Variants in TENM3 observed in about 807,000 individuals in gnomAD.
TENM3 encodes teneurin-3.
In TENM3, 63 loss-of-function variants were observed where a neutral mutation model predicts 255.1. The observed-to-expected ratio is 0.25, with a 90% CI of 0.20 to 0.30. TENM3 has a LOEUF of 0.30. Ranked by LOEUF, TENM3 falls within the 10% of genes least tolerant of loss-of-function variation. TENM3 has a pLI of 1.00. For synonymous variants in TENM3, 1,306 were observed against 1,322.3 expected (o/e 0.99, Z 0.27); for missense variants, 2,929 against 3,461.1 (o/e 0.85, Z 3.86).
At chr4:181,505,036 C>T in the TENM3 span, among the ~76,000 whole-genome samples, 12 of 152,082 alleles carry the variant, frequency 7.9e-5, no homozygotes, top group East Asian at 1.9e-4. Flanking sequence ...AGGTGTGGGC[C>T]GGGCAGATGG....
the TENM3 span, among the ~76,000 whole-genome samples, chr4:181,750,697 A>T: frequency 1.3e-5 from 2 of 152,128 alleles, no homozygotes; most frequent in Non-Finnish European, 2.9e-5. Flanking sequence ...CAAATAAAGC[A>T]AAGAGGCCGC....
chr4:181,756,933 G>A, the TENM3 span, among the ~76,000 whole-genome samples: 1 of 152,130 alleles, frequency 6.6e-6, no homozygotes, highest in Non-Finnish European at 1.5e-5. Context: ...ATATACATGT[G>A]TGATTCATAC....
At chr4:182,095,190 A>G in the TENM3 span, among the ~76,000 whole-genome samples, 12 of 152,216 alleles carry the variant, frequency 7.9e-5, no homozygotes, top group Admixed American at 7.9e-4. Context: ...TATCCAAAAG[A>G]AAGGAAATCA....
chr4:181,752,675 C>T, the TENM3 span, among the ~76,000 whole-genome samples: 7 of 152,072 alleles, frequency 4.6e-5, no homozygotes, highest in Non-Finnish European at 7.4e-5. Context: ...ACAACATCCT[C>T]CGTTTTATTT....
the TENM3 span, among the ~76,000 whole-genome samples, chr4:181,974,719 C>T: frequency 1.3e-5 from 2 of 152,204 alleles, no homozygotes; most frequent in Non-Finnish European, 2.9e-5. Context: ...AAGTGGAATA[C>T]ATTTACTACC....
At chr4:182,158,647 A>G (rs1750884180) in intron 1 of TENM3, among the ~76,000 whole-genome samples, 1 of 152,132 alleles carries the variant, frequency 6.6e-6, no homozygotes. Context: ...ACGGGTTAAG[A>G]GGCAGTAGCA....
chr4:181,987,435 A>G, the TENM3 span, among the ~76,000 whole-genome samples: 1 of 152,132 alleles, frequency 6.6e-6, no homozygotes, highest in Non-Finnish European at 1.5e-5. Context: ...TCTCAGTTTG[A>G]TACAGATTCA....
At chr4:181,814,569 C>T in the TENM3 span, among the ~76,000 whole-genome samples, 2 of 146,722 alleles carry the variant, frequency 1.4e-5, no homozygotes, top group Non-Finnish European at 3.0e-5. Flanking sequence ...AATTTTACAA[C>T]ACATATATTT....
chr4:182,042,543 C>T, the TENM3 span, among the ~76,000 whole-genome samples: 1 of 151,996 alleles, frequency 6.6e-6, no homozygotes, highest in Non-Finnish European at 1.5e-5. Context: ...TTCTCCTAGT[C>T]GATGCTGTGT....
At position 182,680,650 on chromosome 4, in the gene TENM3, A is replaced by G. The variant is rs1443006256; in HGVS notation, c.1747A>G (p.Ile583Val). ...TECDVPTTQC[I>V]DPQCGGRGIC... is the part of the protein sequence containing the mutation. ...GTGTGATGTGCCGACTACCCAGTGTATTGACCCACAGTGTGGGGGTCGTGG... is the reference window on the plus strand; with the variant it reads ...GTGTGATGTGCCGACTACCCAGTGTGTTGACCCACAGTGTGGGGGTCGTGG... The change falls in exon 10 of 28, where the codon ATT (isoleucine) becomes GTT (valine). Residue 583 changes from isoleucine (I) to valine (V), a missense_variant. Physicochemically the swap from Ile to Val is conservative, Grantham distance 29. Transcript: ENST00000511685. The G allele has an allele frequency of 1.2e-6, 2 of 1,612,598 alleles. No homozygotes were observed. The highest frequency in any genetic ancestry group is 1.1e-5 in the South Asian group (1 of 90,926).
At chr4:182,596,205 A>G (rs1348486962) in intron 3 of TENM3, among the ~76,000 whole-genome samples, 1 of 152,216 alleles carries the variant, frequency 6.6e-6, no homozygotes, top group East Asian at 1.9e-4. Flanking sequence ...CATATTTGCA[A>G]ATTACCTTAT....
chr4:182,503,836 C>T (rs1351148223), intron 3 of TENM3, among the ~76,000 whole-genome samples: 1 of 152,114 alleles, frequency 6.6e-6, no homozygotes, highest in Non-Finnish European at 1.5e-5. Context: ...CAGATATCCA[C>T]GAGACTTACT....
chr4:181,743,372 C>G, the TENM3 span, among the ~76,000 whole-genome samples: 3 of 152,174 alleles, frequency 2.0e-5, no homozygotes, highest in Non-Finnish European at 2.9e-5. Context: ...GCCATTCTAA[C>G]TGGTGTGAGA....
intron 1 of TENM3, among the ~76,000 whole-genome samples, chr4:182,243,987 T>C (rs1458801452): frequency 7.6e-6 from 1 of 132,262 alleles, no homozygotes; most frequent in Non-Finnish European, 1.5e-5. Flanking sequence ...GGAATCTCGC[T>C]CTGTCGCCCA....
the TENM3 span, among the ~76,000 whole-genome samples, chr4:181,746,280 G>T: frequency 6.6e-5 from 10 of 152,112 alleles, no homozygotes; most frequent in South Asian, 8.3e-4. Flanking sequence ...AGTGGAGGAG[G>T]CTGGAGTCCA....
the TENM3 span, among the ~76,000 whole-genome samples, chr4:182,050,954 G>A: frequency 2.0e-5 from 3 of 152,166 alleles, no homozygotes; most frequent in African/African-American, 7.2e-5. Context: ...AATGCAAAGC[G>A]CCCACATTCT....
the TENM3 span, chr4:182,081,709 G>C: frequency 1.3e-5 from 2 of 152,192 alleles, no homozygotes; most frequent in Non-Finnish European, 2.9e-5. Flanking sequence ...ATTAGCCAGA[G>C]GGGCTGACAT....
At chr4:181,881,847 T>C in the TENM3 span, among the ~76,000 whole-genome samples, 2 of 152,208 alleles carry the variant, frequency 1.3e-5, no homozygotes, top group African/African-American at 4.8e-5. Context: ...TATATTTATC[T>C]CCTTACTGGG....
intron 5 of TENM3, among the ~76,000 whole-genome samples, chr4:182,646,743 A>AACAT (rs1337372325): frequency 2.0e-5 from 3 of 152,138 alleles, no homozygotes; most frequent in South Asian, 2.1e-4. Context: ...CTTCATCTCA[A>AACAT]ACATACATAC....
Sources: gnomAD v4.1 joint callset for allele counts (sites outside exome capture counted in the v4.1 genomes callset) on GRCh38, gnomAD v4.1.1 for gene constraint, MANE v1.5 for transcripts, NCBI Gene and HGNC (gene_info 2026-07-23, HGNC 2026-07-21) for gene names.